Variants in CLEC2A observed in about 807,000 individuals in gnomAD.
CLEC2A encodes C-type lectin domain family 2 member A, also known as keratinocyte-associated C-type lectin.
In CLEC2A, 19 loss-of-function variants were observed where a neutral mutation model predicts 18.6. That is an observed-to-expected ratio of 1.02 (90% CI 0.71 to 1.50). The LOEUF is 1.50. Among genes scored for constraint, CLEC2A ranks in the 40% most tolerant of loss-of-function variants. CLEC2A has a pLI of 0.00. For missense variants in CLEC2A, 190 were observed against 207.9 expected (o/e 0.91, Z 0.53); for synonymous variants, 74 against 64.0 (o/e 1.16, Z -0.75).
intron 1 of CLEC2A, among the ~76,000 whole-genome samples, chr12:9,928,504 G>C (rs1863316522): frequency 6.6e-6 from 1 of 151,766 alleles, no homozygotes; most frequent in Non-Finnish European, 1.5e-5. Flanking sequence ...AGGAAAGAAA[G>C]AAAGAAAGAA....
chr12:9,904,707 C>A (rs765689690), intron 4 of CLEC2A, among the ~76,000 whole-genome samples: 2 of 152,142 alleles, frequency 1.3e-5, no homozygotes, highest in Non-Finnish European at 2.9e-5. Flanking sequence ...CAATACCATT[C>A]AAATATGGAG....
chr12:9,892,959 T>C, the CLEC2A span: 2 of 1,286,590 alleles, frequency 1.6e-6, no homozygotes, highest in East Asian at 5.1e-5. Flanking sequence ...CATTTGATAA[T>C]ATTTCTATCT....
intron 4 of CLEC2A, among the ~76,000 whole-genome samples, chr12:9,902,575 C>A (rs1282958457): frequency 2.0e-5 from 3 of 151,462 alleles, no homozygotes; most frequent in African/African-American, 7.3e-5. Context: ...CAGTGCCGGG[C>A]AACCCGCTCG....
chr12:9,893,023 A>G, the CLEC2A span: 1 of 1,534,724 alleles, frequency 6.5e-7, no homozygotes. Flanking sequence ...CCTTTAGGAC[A>G]CAATTACTTG....
downstream of CLEC2A, among the ~76,000 whole-genome samples, chr12:9,896,624 G>T (rs962714487): frequency 1.3e-5 from 2 of 151,924 alleles, no homozygotes; most frequent in African/African-American, 4.8e-5. Flanking sequence ...ACAATAACTT[G>T]TTTTTATTTT....
chr12:9,892,516 C>T, the CLEC2A span, among the ~76,000 whole-genome samples: 2 of 151,600 alleles, frequency 1.3e-5, no homozygotes, highest in Non-Finnish European at 2.9e-5. Flanking sequence ...AATCCATCAT[C>T]CAAAACCCTG....
chr12:9,904,581 C>T lies in CLEC2A; in HGVS notation c.411-5605G>A, dbSNP rs534367461. 1.1e-4 allele frequency among the ~76,000 whole-genome samples: 16 copies of T among 152,182 alleles called. No individual in the cohort carries two copies. In the South Asian group the frequency reaches 3.1e-3, roughly 30 times the overall value. On this transcript the variant is annotated intron_variant, in intron 4 of 4. Coordinates refer to the CLEC2A transcript ENST00000339766. ...GATATGTTTGGGCACAGTGTTGGGT[C>T]CCACATGTTCTCCAGACTCTGGGTC...
At chr12:9,881,064 A>G in the CLEC2A span, among the ~76,000 whole-genome samples, 1 of 152,220 alleles carries the variant, frequency 6.6e-6, no homozygotes, top group Non-Finnish European at 1.5e-5. Context: ...CACTAACTTG[A>G]GACTTGCTGA....
chr12:9,929,848 T>C (rs1322981232), intron 1 of CLEC2A, among the ~76,000 whole-genome samples: 2 of 152,142 alleles, frequency 1.3e-5, no homozygotes, highest in Non-Finnish European at 2.9e-5. Flanking sequence ...ATTACTCTAT[T>C]TTAGTTGCCT....
downstream of CLEC2A, among the ~76,000 whole-genome samples, chr12:9,895,456 G>C (rs1225178379): frequency 6.6e-6 from 1 of 152,234 alleles, no homozygotes; most frequent in African/African-American, 2.4e-5. Flanking sequence ...AGAGGTTTGA[G>C]AGGTAAGGAA....
At chr12:9,891,378 C>T in the CLEC2A span, among the ~76,000 whole-genome samples, 40 of 152,290 alleles carry the variant, frequency 2.6e-4, no homozygotes, top group East Asian at 5.6e-3. Flanking sequence ...CTCTTTTGGA[C>T]AGTAAGTGTC....
At chr12:9,881,666 G>A in the CLEC2A span, 28 of 1,531,872 alleles carry the variant, frequency 1.8e-5, no homozygotes, top group East Asian at 6.1e-4. Flanking sequence ...AAATCTAAAG[G>A]TAGGAATACT....
chr12:9,888,592 G>C, the CLEC2A span: 3 of 492,550 alleles, frequency 6.1e-6, no homozygotes, highest in Admixed American at 9.5e-5. Flanking sequence ...TGGGGAAGAA[G>C]AGGAGTGGAT....
At chr12:9,909,962 C>G (rs1003966772), downstream of CLEC2A, among the ~76,000 whole-genome samples, 2 of 152,078 alleles carry the variant, frequency 1.3e-5, no homozygotes, top group Admixed American at 1.3e-4. Context: ...TCTTTCAGAG[C>G]AGTAAGATTC....
At chr12:9,895,676 C>T (rs1385406642), downstream of CLEC2A, 2 of 1,510,114 alleles carry the variant, frequency 1.3e-6, no homozygotes, top group Admixed American at 2.3e-5. Flanking sequence ...AAAATCTGTC[C>T]TTTGTCTCTT....
At chr12:9,893,186 G>A in the CLEC2A span, 2 of 1,523,396 alleles carry the variant, frequency 1.3e-6, no homozygotes, top group South Asian at 2.4e-5. Flanking sequence ...ATCAAAAACA[G>A]GATCTAACTG....
chr12:9,905,559 G>T (rs1012061822), intron 4 of CLEC2A, among the ~76,000 whole-genome samples: 1 of 152,152 alleles, frequency 6.6e-6, no homozygotes, highest in Non-Finnish European at 1.5e-5. Flanking sequence ...TTTTTGATGG[G>T]CAGTTCAGTT....
intron 4 of CLEC2A, among the ~76,000 whole-genome samples, chr12:9,906,509 T>C (rs577245754): frequency 2.6e-5 from 4 of 152,300 alleles, no homozygotes; most frequent in South Asian, 4.1e-4. Context: ...GCCTTTGCGG[T>C]TAATAAGACC....
the CLEC2A span, chr12:9,893,203 G>C: frequency 4.4e-4 from 663 of 1,510,766 alleles, 1 homozygote; most frequent in Non-Finnish European, 1.2e-4. Context: ...ACTGCACAAG[G>C]AAAAATGGCT....
Sources: gnomAD v4.1 joint callset for allele counts (sites outside exome capture counted in the v4.1 genomes callset) on GRCh38, gnomAD v4.1.1 for gene constraint, MANE v1.5 for transcripts, NCBI Gene and HGNC (gene_info 2026-07-23, HGNC 2026-07-21) for gene names.